The following TRABD2B variants were observed in gnomAD, a reference collection of about 807,000 sequenced individuals.
TRABD2B encodes the protein TraB domain containing 2B.
TRABD2B carries 14 observed loss-of-function variants against 40.1 expected under a neutral mutation model. The ratio of observed to expected loss-of-function variants is 0.35; its 90% CI spans 0.23 to 0.55. TRABD2B has a LOEUF of 0.55. Among genes scored for constraint, TRABD2B ranks in the 20% least tolerant of loss-of-function variants. The pLI is 0.90. For missense variants in TRABD2B, 541 were observed against 648.6 expected, an observed-to-expected ratio of 0.83 and a Z score of 1.80; for synonymous variants, 263 against 277.0, an observed-to-expected ratio of 0.95 and a Z score of 0.50.
At chr1:47,805,229 C>T (rs1315869340) in intron 2 of TRABD2B, among the ~76,000 whole-genome samples, 1 of 151,812 alleles carries the variant, frequency 6.6e-6, no homozygotes, top group Admixed American at 6.6e-5. Flanking sequence ...GCACAGCCCA[C>T]ATTCATCCAC....
chr1:47,794,988 C>T (rs1012790037), intron 3 of TRABD2B, among the ~76,000 whole-genome samples: 2 of 152,104 alleles, frequency 1.3e-5, no homozygotes, highest in Admixed American at 6.5e-5. Context: ...TGGCTGATCT[C>T]GAACTCCTCC....
At chr1:47,884,514 G>C (rs1276741961) in intron 2 of TRABD2B, among the ~76,000 whole-genome samples, 1 of 152,244 alleles carries the variant, frequency 6.6e-6, no homozygotes, top group African/African-American at 2.4e-5. Context: ...AGCAAAGTGT[G>C]AAGAGCATGT....
intron 2 of TRABD2B, among the ~76,000 whole-genome samples, chr1:47,974,283 A>G (rs1178519952): frequency 1.3e-5 from 2 of 151,852 alleles, no homozygotes; most frequent in Admixed American, 6.6e-5. Flanking sequence ...CTCCAGTTAC[A>G]TCCTTTCTGT....
chr1:47,962,713 T>A (rs1645539154), intron 2 of TRABD2B, among the ~76,000 whole-genome samples: 2 of 152,220 alleles, frequency 1.3e-5, no homozygotes, highest in African/African-American at 2.4e-5. Context: ...TGGTACAAAG[T>A]GGTGAAGTTA....
intron 2 of TRABD2B, among the ~76,000 whole-genome samples, chr1:47,939,780 A>T (rs1314305699): frequency 1.3e-5 from 2 of 152,180 alleles, no homozygotes; most frequent in Admixed American, 1.3e-4. Flanking sequence ...CAAGTCCTTC[A>T]TTCAAACATA....
chr1:47,900,956 G>T (rs1644592591), intron 2 of TRABD2B, among the ~76,000 whole-genome samples: 1 of 152,012 alleles, frequency 6.6e-6, no homozygotes, highest in South Asian at 2.1e-4. Flanking sequence ...GATTTGAAGG[G>T]GTTCTATTCA....
intron 2 of TRABD2B, among the ~76,000 whole-genome samples, chr1:47,836,079 G>A (rs750299809): frequency 6.6e-6 from 1 of 152,260 alleles, no homozygotes; most frequent in African/African-American, 2.4e-5. Flanking sequence ...ATATATTATT[G>A]TCATTAAGTT....
chr1:47,983,227 G>C (rs184182609), intron 2 of TRABD2B, among the ~76,000 whole-genome samples: 22 of 152,282 alleles, frequency 1.4e-4, no homozygotes, highest in African/African-American at 4.8e-4. Context: ...AACTAACACA[G>C]GGACAGAAAA....
intron 2 of TRABD2B, among the ~76,000 whole-genome samples, chr1:47,963,143 G>A (rs1013572103): frequency 1.7e-4 from 26 of 152,284 alleles, no homozygotes; most frequent in East Asian, 3.9e-4. Flanking sequence ...ACACACATAC[G>A]AATTTATCTG....
chr1:47,946,963 G>C (rs1645267892), intron 2 of TRABD2B, among the ~76,000 whole-genome samples: 1 of 151,662 alleles, frequency 6.6e-6, no homozygotes, highest in East Asian at 1.9e-4. Flanking sequence ...TGGAGGTAAA[G>C]AGAAATAATA....
At chr1:47,856,425 C>T (rs1004263352) in intron 2 of TRABD2B, among the ~76,000 whole-genome samples, 2 of 152,206 alleles carry the variant, frequency 1.3e-5, no homozygotes, top group Admixed American at 6.5e-5. Flanking sequence ...AATGAAAGGG[C>T]TGGGTGGATG....
intron 4 of TRABD2B, among the ~76,000 whole-genome samples, chr1:47,785,183 G>A (rs1644578927): frequency 1.3e-5 from 2 of 152,124 alleles, no homozygotes; most frequent in African/African-American, 4.8e-5. Flanking sequence ...GGAACACGAG[G>A]GTGTCCCTCC....
In TRABD2B at chr1:47,987,554, C is replaced by G. The variant is rs571619128; in HGVS notation, c.666+6480G>C. Among the ~76,000 whole-genome samples, 837 of 152,296 alleles carry G rather than the reference C, an allele frequency of 5.5e-3. 9 individuals are homozygous for G. Among genetic ancestry groups the G allele is most frequent in the African/African-American group, 0.019 (802 of 41,548 alleles). On this transcript the variant is annotated intron_variant, in intron 2 of 6. Transcript: ENST00000606738. ...ACCTCACTCTCCTCTGATGGAGGTGCATAAGCTATCCTGTGCTCCTGCTTC... is the reference window on the plus strand; with the variant it reads ...ACCTCACTCTCCTCTGATGGAGGTGGATAAGCTATCCTGTGCTCCTGCTTC...
chr1:47,778,586 C>A, intron 4 of TRABD2B, 42 bp from the exon 5 acceptor site: 2 of 1,453,826 alleles, frequency 1.4e-6, no homozygotes, highest in Non-Finnish European at 1.9e-6. Context: ...ACATGCCAGG[C>A]CACCGGCCAC....
At chr1:47,991,676 A>C (rs1163008656) in intron 2 of TRABD2B, among the ~76,000 whole-genome samples, 1 of 152,212 alleles carries the variant, frequency 6.6e-6, no homozygotes, top group African/African-American at 2.4e-5. Context: ...CCAGATCTTA[A>C]CAAAAAGACA....
intron 2 of TRABD2B, among the ~76,000 whole-genome samples, chr1:47,815,798 G>A (rs1034743152): frequency 6.7e-6 from 1 of 149,018 alleles, no homozygotes; most frequent in African/African-American, 2.5e-5. Flanking sequence ...GATGGTGACA[G>A]AGATAGATAG....
At chr1:47,830,881 G>A (rs900418724) in intron 2 of TRABD2B, among the ~76,000 whole-genome samples, 1 of 152,152 alleles carries the variant, frequency 6.6e-6, no homozygotes, top group African/African-American at 2.4e-5. Flanking sequence ...TATCTCAGCT[G>A]AGCCCGAAGA....
intron 2 of TRABD2B, among the ~76,000 whole-genome samples, chr1:47,962,265 T>C (rs1645531910): frequency 6.6e-6 from 1 of 152,024 alleles, no homozygotes; most frequent in Non-Finnish European, 1.5e-5. Flanking sequence ...CTAATGTAAA[T>C]GACGAGTTAA....
At chr1:47,882,711 T>C (rs1644322050) in intron 2 of TRABD2B, among the ~76,000 whole-genome samples, 2 of 152,078 alleles carry the variant, frequency 1.3e-5, no homozygotes, top group African/African-American at 4.8e-5. Flanking sequence ...AACGCTAACA[T>C]GCCATGCAGC....
Sources: allele counts gnomAD v4.1 joint callset (sites outside exome capture counted in the v4.1 genomes callset), GRCh38; gene constraint gnomAD v4.1.1; transcripts MANE v1.5; gene names NCBI Gene and HGNC (gene_info 2026-07-23, HGNC 2026-07-21).